The following BMI1 variants were observed in gnomAD, a reference collection of about 807,000 sequenced individuals.
The protein encoded by BMI1 is BMI1 proto-oncogene, polycomb ring finger, also known as polycomb complex protein BMI-1.
Under a neutral mutation model 39.1 loss-of-function variants are expected in BMI1, and 9 were observed. That is an observed-to-expected ratio of 0.23 (90% CI 0.14 to 0.40). The LOEUF is 0.40. BMI1 is among the 10% of genes least tolerant of loss of function. The pLI is 1.00. For missense variants in BMI1, 252 were observed against 390.8 expected, an observed-to-expected ratio of 0.64 and a Z score of 2.99; for synonymous variants, 131 against 127.9, an observed-to-expected ratio of 1.02 and a Z score of -0.16.
intron 7 of BMI1, 150 bp from the exon 8 acceptor site, chr10:22,328,450 T>G: frequency 2.5e-6 from 2 of 792,076 alleles, no homozygotes; most frequent in Non-Finnish European, 1.9e-6. Context: ...GTATTTGTAA[T>G]GATAGTAAAC....
rs1426261372 is a variant in BMI1 at position 22,329,820 on chromosome 10, T to G, written c.*278T>G. ...GATGGGAAATGGTTTCTGTAACCAT[T>G]GTTTGGATTTGGAAGTACTCTGCAG... On this transcript the variant is annotated 3_prime_UTR_variant, in exon 10 of 10. Coordinates refer to ENST00000376663, the MANE Select transcript of BMI1 (RefSeq NM_005180.9). 5.1e-6 allele frequency: 2 copies of G among 394,370 alleles called. No individual in the cohort carries two copies. The highest frequency in any genetic ancestry group is 9.7e-5 in the East Asian group (2 of 20,630). The allele number at this position is 394,370 out of a possible 1,614,324, so 24.4% of individuals were successfully genotyped here.
intron 1 of BMI1, among the ~76,000 whole-genome samples, chr10:22,324,649 C>CAT (rs1249940996): frequency 6.6e-6 from 1 of 152,168 alleles, no homozygotes; most frequent in Non-Finnish European, 1.5e-5. Context: ...CCCTTTACTG[C>CAT]ATTAATACAC....
At chr10:22,323,271 A>G (rs1588618084) in intron 1 of BMI1, among the ~76,000 whole-genome samples, 1 of 152,362 alleles carries the variant, frequency 6.6e-6, no homozygotes, top group East Asian at 1.9e-4. Flanking sequence ...CAAAATTATA[A>G]GTTTTTAGAT....
chr10:22,327,954 C>A lies in BMI1; in HGVS notation c.321C>A (p.Ala107=). The A allele has an allele frequency of 6.3e-7, 1 of 1,597,862 alleles. No homozygotes were observed. Among genetic ancestry groups the A allele is most frequent in the Non-Finnish European group, 8.5e-7 (1 of 1,175,616 alleles). Residue 107 remains alanine, a synonymous_variant, in exon 6 of 10, where the codon GCC becomes GCA. Transcript: ENST00000376663. ...CATTTCACTATATCGTTATAGCTGC[C>A]AATGGCTCTAATGAAGATAGAGGAG... ...FYAAHPSADA[A]NGSNEDRGEV... is the part of the protein sequence containing the mutation.
Position 22,329,414 on chromosome 10 carries a change from C to T in BMI1, c.853C>T (p.Gln285Ter). The T allele has an allele frequency of 1.9e-6, 3 of 1,614,220 alleles. No individual in the cohort carries two copies. Among genetic ancestry groups the T allele is most frequent in the Non-Finnish European group, 2.5e-6 (3 of 1,180,036 alleles). The change falls in exon 10 of 10, where the codon CAG becomes TAG. Residue 285 changes from glutamine to a stop codon, truncating the protein, a stop_gained. Transcript: ENST00000376663. LOFTEE classifies it high-confidence loss of function. ...PSTPVQSPHP[Q>*]FPHISSTMNG... The stretch of plus-strand genomic sequence containing the variant: ...TACTCCAGTGCAGTCTCCTCATCCA[C>T]AGTTTCCTCACATTTCCAGTACTAT...
intron 1 of BMI1, 44 bp from the exon 2 acceptor site, chr10:22,326,387 A>G (rs769488581): frequency 6.2e-6 from 10 of 1,603,646 alleles, no homozygotes; most frequent in South Asian, 4.4e-5. Flanking sequence ...GATGATCTCC[A>G]TTCTTGTTCT....
In BMI1 at chr10:22,326,877, G is replaced by A. The variant is rs1836167113; in HGVS notation, c.113-13G>A. ...TTCTAAACATAAAAAAACTTCACAT[G>A]TTCTACTTCTAGTCTGTAAAACGTG... is the stretch of plus-strand genomic sequence containing the variant. On this transcript the variant is annotated splice_polypyrimidine_tract_variant and intron_variant, in intron 2 of 9. Transcript: ENST00000376663. The A allele has an allele frequency of 1.2e-6, 2 of 1,612,166 alleles. No individual in the cohort carries two copies. The highest frequency in any genetic ancestry group is 1.3e-5 in the African/African-American group (1 of 74,820).
chr10:22,326,910 C>A lies in BMI1; in HGVS notation c.133C>A (p.Arg45Ser). 1 of 1,613,968 alleles carries A rather than the reference C, an allele frequency of 6.2e-7. No individual in the cohort carries two copies. Among genetic ancestry groups the A allele is most frequent in the South Asian group, 1.1e-5 (1 of 91,046 alleles). Residue 45 changes from arginine to serine, a missense_variant, in exon 3 of 10, where the codon CGT becomes AGT. This residue lies in a region of BMI1 where 62 missense variants were observed against 123.3 expected (regional missense o/e 0.50). Transcript: ENST00000376663. The stretch of plus-strand genomic sequence containing the variant: ...TCTAGTCTGTAAAACGTGTATTGTT[C>A]GTTACCTGGAGACCAGCAAGTATTG... ...LHSFCKTCIV[R>S]YLETSKYCPI...
chr10:22,329,034 AT>A lies in BMI1; in HGVS notation c.571-13del. Reference sequence around the variant, plus strand: ...TTTGTTCTTTTATTACTTAATAAAAATATTTTTCACTAGATTGATGTCATGT... The same window carrying A: ...TTTGTTCTTTTATTACTTAATAAAAAATTTTTCACTAGATTGATGTCATGT... On this transcript the variant is annotated splice_polypyrimidine_tract_variant and intron_variant, in intron 8 of 9. Transcript: ENST00000376663. The A allele has an allele frequency of 6.3e-7, 1 of 1,580,734 alleles. No individual in the cohort carries two copies. Among genetic ancestry groups the A allele is most frequent in the South Asian group, 1.2e-5 (1 of 84,150 alleles).
Position 22,328,622 on chromosome 10 carries a change from G to A in BMI1, c.494G>A (p.Arg165Gln), listed in dbSNP as rs1347220224. Residue 165 changes from arginine (R) to glutamine (Q), a missense_variant, in exon 8 of 10, where the codon CGA becomes CAA. Physicochemically the swap from Arg to Gln is conservative, Grantham distance 43. Around this residue, in one of 4 missense-constraint regions of BMI1, gnomAD observed 27 missense variants for 77.4 expected, o/e 0.35. Coordinates refer to ENST00000376663, the MANE Select transcript of BMI1 (RefSeq NM_005180.9). ...TAGGTGAATGATAAAAGATACTTAC[G>A]ATGCCCAGCAGCAATGACTGTGATG... Reference protein sequence around the residue: ...KEEVNDKRYLRCPAAMTVMHL... With the variant: ...KEEVNDKRYLQCPAAMTVMHL... 5 of 1,604,248 alleles carry A rather than the reference G, an allele frequency of 3.1e-6. No individual in the cohort carries two copies. Among genetic ancestry groups the A allele is most frequent in the Non-Finnish European group, 4.3e-6 (5 of 1,175,638 alleles).
intron 7 of BMI1, 37 bp downstream of exon 7, chr10:22,328,216 T>G: frequency 6.4e-7 from 1 of 1,568,490 alleles, no homozygotes; most frequent in Non-Finnish European, 8.6e-7. Flanking sequence ...AGAAGAAACA[T>G]TGTTTGGAAT....
At chr10:22,327,489 ACAAT>A (rs1208738554) in intron 3 of BMI1, 102 bp from the exon 4 acceptor site, 19 of 1,179,484 alleles carry the variant, frequency 1.6e-5, no homozygotes, top group Middle Eastern at 3.0e-4. Flanking sequence ...AGACAGCATC[ACAAT>A]CAAGTAAAAT....
chr10:22,326,433 T>C lies in BMI1; in HGVS notation c.-17T>C, dbSNP rs777102106. On this transcript the variant is annotated splice_region_variant and 5_prime_UTR_variant, in exon 2 of 10. Coordinates refer to ENST00000376663, the MANE Select transcript of BMI1 (RefSeq NM_005180.9). ...GCCATTATTTCTGTGTCTTGCAGGATTTTTTATCAAGCAGAAATGCATCGA... is the reference window on the plus strand; with the variant it reads ...GCCATTATTTCTGTGTCTTGCAGGACTTTTTATCAAGCAGAAATGCATCGA... 3.1e-6 allele frequency: 5 copies of C among 1,611,838 alleles called. No individual in the cohort carries two copies. In the South Asian group the frequency reaches 4.4e-5, roughly 14 times the overall value.
At chr10:22,328,533 A>G (rs957673417) in intron 7 of BMI1, 67 bp from the exon 8 acceptor site, 7 of 1,507,524 alleles carry the variant, frequency 4.6e-6, no homozygotes, top group Non-Finnish European at 6.2e-6. Flanking sequence ...TATTCAAGCA[A>G]TCAAATTGAA....
chr10:22,329,249 A>C lies in BMI1; in HGVS notation c.688A>C (p.Thr230Pro). ...PLPLKYRVRP[T>P]CKRMKISHQR... is the part of the protein sequence containing the mutation. The stretch of plus-strand genomic sequence containing the variant: ...TCCATTGAAATACAGAGTTCGACCT[A>C]CTTGTAAAAGAATGAAGATCAGTCA... The change falls in exon 10 of 10, where the codon ACT (threonine) becomes CCT (proline). Residue 230 changes from threonine (T) to proline (P), a missense_variant. Physicochemically the swap from Thr to Pro is conservative, Grantham distance 38. This residue lies in a region of BMI1 where 96 missense variants were observed against 120.2 expected (regional missense o/e 0.80). Transcript: ENST00000376663. 2 of 1,614,154 alleles carry C rather than the reference A, an allele frequency of 1.2e-6. No homozygotes were observed. Among genetic ancestry groups the C allele is most frequent in the Non-Finnish European group, 1.7e-6 (2 of 1,180,012 alleles).
At chr10:22,322,399 CTG>C (rs1836029014) in intron 1 of BMI1, among the ~76,000 whole-genome samples, 1 of 152,212 alleles carries the variant, frequency 6.6e-6, no homozygotes, top group African/African-American at 2.4e-5. Flanking sequence ...GGACACTTGT[CTG>C]AGATTGGATG....
chr10:22,331,295 G>A lies in BMI1; in HGVS notation c.*1753G>A, dbSNP rs533639804. On this transcript the variant is annotated 3_prime_UTR_variant, in exon 10 of 10. Coordinates refer to ENST00000376663, the MANE Select transcript of BMI1 (RefSeq NM_005180.9). ...CTTTAATAAAAATTTGATATGAAAA[G>A]CACAATGTGCAGAAGTTATGGAAAA... 63 of 152,266 alleles carry A rather than the reference G, an allele frequency of 4.1e-4. No homozygotes were observed. Among genetic ancestry groups the A allele is most frequent in the African/African-American group, 1.5e-3 (62 of 41,562 alleles). The allele number at this position is 152,266 out of a possible 1,614,324, so 9.4% of individuals were successfully genotyped here.
At chr10:22,328,547 T>G in intron 7 of BMI1, 53 bp from the exon 8 acceptor site, 1 of 1,546,602 alleles carries the variant, frequency 6.5e-7, no homozygotes, top group Non-Finnish European at 8.7e-7. Context: ...AATTGAAACT[T>G]TCTTCATATC....
At chr10:22,327,388 G>A (rs1263283548) in intron 3 of BMI1, among the ~76,000 whole-genome samples, 1 of 152,056 alleles carries the variant, frequency 6.6e-6, no homozygotes, top group African/African-American at 2.4e-5. Flanking sequence ...GAATTTATTA[G>A]TGAATATAAA....
Sources: allele counts gnomAD v4.1 joint callset (sites outside exome capture counted in the v4.1 genomes callset), GRCh38; gene constraint gnomAD v4.1.1; regional missense constraint gnomAD v4.1.1; transcripts MANE v1.5; gene names NCBI Gene and HGNC (gene_info 2026-07-23, HGNC 2026-07-21).